The following PAK3 variants were observed in gnomAD, a reference collection of about 807,000 sequenced individuals.
PAK3 encodes serine/threonine-protein kinase PAK 3.
A neutral mutation model predicts 41.0 loss-of-function variants in PAK3; 4 were observed. The ratio of observed to expected loss-of-function variants is 0.10; its 90% CI spans 0.05 to 0.22. The LOEUF (loss-of-function observed/expected upper bound fraction) is 0.22. Ranked by LOEUF, PAK3 falls within the 10% of genes least tolerant of loss-of-function variation. The pLI is 1.00. For synonymous variants in PAK3, 146 were observed against 139.6 expected (o/e 1.05, Z -0.32); for missense variants, 205 against 409.9 (o/e 0.50, Z 4.32).
In PAK3 at chrX:111,220,668, C is replaced by A. The variant is rs925162220; in HGVS notation, c.*221C>A. On this transcript the variant is annotated 3_prime_UTR_variant, in exon 18 of 18. Coordinates refer to ENST00000372007, the MANE Select transcript of PAK3 (RefSeq NM_002578.5). ...AACAGGGCAGCAATGTTGAAGTGAC[C>A]ATAAAGTGGTCACTTCCACCGTGAA... 15 of 415,497 alleles carry A rather than the reference C, an allele frequency of 3.6e-5. No homozygotes were observed. The highest frequency in any genetic ancestry group is 8.4e-6 in the Non-Finnish European group (2 of 238,902). The allele number at this position is 415,497 out of a possible 1,213,427, so 34.2% of individuals were successfully genotyped here.
At chrX:111,178,947 A>C (rs2149266282) in intron 11 of PAK3, among the ~76,000 whole-genome samples, 1 of 102,579 alleles carries the variant, frequency 9.7e-6, no homozygotes, top group Admixed American at 1.0e-4. Context: ...GCACCTGCAT[A>C]CATAAACTGT....
rs1469494261 is a variant in PAK3, at chrX:111,163,542, G to GGACTATT, written c.601-20_601-19insGACTATT. The GGACTATT allele has an allele frequency of 5.1e-6, 6 of 1,172,219 alleles. No homozygotes were observed. Among genetic ancestry groups the GGACTATT allele is most frequent in the Non-Finnish European group, 7.0e-6 (6 of 860,119 alleles). Reference sequence around the variant, plus strand: ...TCCTTGGCCTGCTGTTTTAATTGCAGAGCTTTTTGGTTTTTTTAGATCTAT... The same window carrying GGACTATT: ...TCCTTGGCCTGCTGTTTTAATTGCAGGACTATTAGCTTTTTGGTTTTTTTAGATCTAT... On this transcript the variant is annotated intron_variant, in intron 9 of 17. Coordinates refer to ENST00000372007, the MANE Select transcript of PAK3 (RefSeq NM_002578.5).
intron 8 of PAK3, among the ~76,000 whole-genome samples, chrX:111,162,239 A>G (rs2094199643): frequency 1.8e-5 from 2 of 111,819 alleles, no homozygotes; most frequent in African/African-American, 6.5e-5. Context: ...GTCCCTAGGT[A>G]TTGTTGCTAT....
chrX:110,992,328 A>G (rs960144900), intron 1 of PAK3, among the ~76,000 whole-genome samples: 1 of 111,446 alleles, frequency 9.0e-6, no homozygotes, highest in Admixed American at 9.5e-5. Context: ...GGGAGGTCAG[A>G]GAGGTCACAG....
intron 1 of PAK3, among the ~76,000 whole-genome samples, chrX:111,040,919 T>C (rs768111380): frequency 9.0e-6 from 1 of 111,718 alleles, no homozygotes; most frequent in East Asian, 2.8e-4. Context: ...GGGTAAAGCA[T>C]TGTTAGGAAC....
At chrX:111,033,967 C>T (rs2092368030) in intron 1 of PAK3, among the ~76,000 whole-genome samples, 1 of 111,492 alleles carries the variant, frequency 9.0e-6, no homozygotes. Flanking sequence ...TTAGGTCATT[C>T]CTGTGCCATC....
intron 1 of PAK3, among the ~76,000 whole-genome samples, chrX:110,993,314 A>C (rs1052160254): frequency 9.0e-6 from 1 of 111,539 alleles, no homozygotes; most frequent in African/African-American, 3.3e-5. Flanking sequence ...GGCCTCACAA[A>C]ATGGACTTTT....
intron 5 of PAK3, among the ~76,000 whole-genome samples, chrX:111,135,366 G>A (rs1422491094): frequency 9.0e-6 from 1 of 111,320 alleles, no homozygotes; most frequent in East Asian, 2.9e-4. Context: ...AATATTTAGT[G>A]TGGGGGTCTG....
chrX:111,208,896 G>T (rs961409115), intron 16 of PAK3, among the ~76,000 whole-genome samples: 5 of 110,165 alleles, frequency 4.5e-5, no homozygotes, highest in African/African-American at 1.3e-4. Context: ...ATCTAAAGGG[G>T]TTCCTGGAAC....
chrX:111,181,025 C>T (rs1467193790), intron 11 of PAK3, among the ~76,000 whole-genome samples: 1 of 111,444 alleles, frequency 9.0e-6, no homozygotes, highest in Non-Finnish European at 1.9e-5. Context: ...TATGAGAGTG[C>T]CGGTTTGCCT....
chrX:111,026,511 G>A (rs1166309139), intron 1 of PAK3, among the ~76,000 whole-genome samples: 1 of 111,052 alleles, frequency 9.0e-6, no homozygotes, highest in African/African-American at 3.3e-5. Flanking sequence ...TACACCAACA[G>A]TGACCAAGCT....
chrX:111,192,090 T>C (rs2094565608), intron 11 of PAK3, 37 bp from the exon 12 acceptor site: 2 of 859,082 alleles, frequency 2.3e-6, no homozygotes, highest in Non-Finnish European at 3.5e-6. Context: ...GGTAACAGCT[T>C]GATTGCTTAT....
At chrX:110,967,285 G>A (rs2091101128) in intron 1 of PAK3, among the ~76,000 whole-genome samples, 1 of 113,009 alleles carries the variant, frequency 8.8e-6, no homozygotes, top group Admixed American at 9.3e-5. Flanking sequence ...GCTGACAACA[G>A]GAAACAGAAG....
At chrX:111,141,329 G>GA (rs1405269384) in intron 5 of PAK3, among the ~76,000 whole-genome samples, 1 of 111,347 alleles carries the variant, frequency 9.0e-6, no homozygotes, top group Non-Finnish European at 1.9e-5. Flanking sequence ...TCTGCTACTT[G>GA]AAAAAGACAA....
At position 111,226,926 on chromosome X, in the gene PAK3, G is replaced by A. The variant is rs776022811; in HGVS notation, c.*6479G>A. On this transcript the variant is annotated 3_prime_UTR_variant, in exon 18 of 18. Transcript: ENST00000372007. The stretch of plus-strand genomic sequence containing the variant: ...TCAGCCAGGAGGAGCCAGATCACAG[G>A]GTAGTGATGTCTACTGGGATTATAC... 4.4e-4 allele frequency: 49 copies of A among 112,082 alleles called. No homozygotes were observed. Among genetic ancestry groups the A allele is most frequent in the African/African-American group, 1.6e-3 (49 of 30,884 alleles). 9.2% of individuals were successfully genotyped at this position (112,082 alleles called of 1,213,427 possible).
At chrX:111,163,764 A>C in intron 10 of PAK3, 37 bp downstream of exon 10, 1 of 1,042,045 alleles carries the variant, frequency 9.6e-7, no homozygotes, top group African/African-American at 1.8e-5. Flanking sequence ...TCTACACGGG[A>C]GTGTTTCTCA....
upstream of PAK3, among the ~76,000 whole-genome samples, chrX:111,094,048 T>C (rs184919489): frequency 1.8e-5 from 2 of 110,887 alleles, no homozygotes; most frequent in Non-Finnish European, 3.8e-5. Context: ...ATTTTTACCA[T>C]GGTGTAGAAA....
chrX:110,983,529 CGT>C (rs113126993), intron 1 of PAK3, among the ~76,000 whole-genome samples: 4 of 100,281 alleles, frequency 4.0e-5, no homozygotes, highest in South Asian at 4.9e-4. Flanking sequence ...TGTATGTCTG[CGT>C]GTGTGTGTGT....
At chrX:111,094,214 G>A (rs1192289723), upstream of PAK3, among the ~76,000 whole-genome samples, 1 of 110,426 alleles carries the variant, frequency 9.1e-6, no homozygotes, top group African/African-American at 3.3e-5. Flanking sequence ...AGACAACCAC[G>A]ACACCAAAAA....
Sources: gnomAD v4.1 joint callset for allele counts (sites outside exome capture counted in the v4.1 genomes callset) on GRCh38, gnomAD v4.1.1 for gene constraint, MANE v1.5 for transcripts, NCBI Gene and HGNC (gene_info 2026-07-23, HGNC 2026-07-21) for gene names.